The following EXT1 variants were observed in gnomAD, a reference collection of about 807,000 sequenced individuals.
EXT1 encodes exostosin glycosyltransferase 1.
In EXT1, 20 loss-of-function variants were observed where a neutral mutation model predicts 82.5. That is an observed-to-expected ratio of 0.24 (90% CI 0.17 to 0.35). The LOEUF (loss-of-function observed/expected upper bound fraction) is 0.35. EXT1 is among the 10% of genes least tolerant of loss of function. The probability of loss-of-function intolerance (pLI) is 1.00; values close to 1 mark genes in which losing one functional copy is unlikely to be tolerated. For synonymous variants in EXT1, 348 were observed against 350.8 expected (o/e 0.99, Z 0.09); for missense variants, 757 against 936.5 (o/e 0.81, Z 2.50).
intron 3 of EXT1, among the ~76,000 whole-genome samples, chr8:117,831,274 A>G (rs542967119): frequency 3.3e-5 from 5 of 152,204 alleles, no homozygotes; most frequent in African/African-American, 1.2e-4. Flanking sequence ...TTTACTTATA[A>G]AGTGGGGATA....
chr8:118,049,340 AC>A (rs899678168), intron 1 of EXT1, among the ~76,000 whole-genome samples: 2 of 152,216 alleles, frequency 1.3e-5, no homozygotes, highest in African/African-American at 4.8e-5. Context: ...CCTAAATGTA[AC>A]CTATAAGTGG....
chr8:118,081,068 G>GT (rs1488524613), intron 1 of EXT1, among the ~76,000 whole-genome samples: 5 of 152,096 alleles, frequency 3.3e-5, no homozygotes, highest in African/African-American at 1.2e-4. Context: ...TTTTCATTCA[G>GT]TATCTCATTT....
intron 1 of EXT1, among the ~76,000 whole-genome samples, chr8:117,877,026 T>C (rs532967925): frequency 1.3e-5 from 2 of 152,260 alleles, no homozygotes; most frequent in African/African-American, 4.8e-5. Context: ...TGGATGTGCC[T>C]CAAAGCTAAC....
intron 1 of EXT1, among the ~76,000 whole-genome samples, chr8:117,857,752 T>C (rs1158657787): frequency 3.3e-5 from 5 of 152,210 alleles, no homozygotes; most frequent in Non-Finnish European, 5.9e-5. Context: ...ATTTTAAAAA[T>C]ACATTTTATA....
At chr8:117,863,048 G>A (rs1311965823) in intron 1 of EXT1, among the ~76,000 whole-genome samples, 1 of 152,194 alleles carries the variant, frequency 6.6e-6, no homozygotes, top group Non-Finnish European at 1.5e-5. Context: ...TAACAGGGCA[G>A]TGGGCGTTGT....
At chr8:118,035,503 A>G (rs1816402936) in intron 1 of EXT1, among the ~76,000 whole-genome samples, 1 of 152,198 alleles carries the variant, frequency 6.6e-6, no homozygotes, top group Non-Finnish European at 1.5e-5. Flanking sequence ...TAATTAAAGG[A>G]ATAAATAGAA....
At chr8:118,097,873 T>C (rs1253475489) in intron 1 of EXT1, among the ~76,000 whole-genome samples, 1 of 152,166 alleles carries the variant, frequency 6.6e-6, no homozygotes, top group East Asian at 1.9e-4. Flanking sequence ...AAACCACAGC[T>C]GGGTGTTAAA....
chr8:117,979,550 TAG>T, intron 1 of EXT1, among the ~76,000 whole-genome samples: 1 of 150,686 alleles, frequency 6.6e-6, no homozygotes, highest in South Asian at 2.1e-4. Flanking sequence ...AAAAAAAATC[TAG>T]ACAGTGGAGC....
In EXT1 at chr8:118,094,932, C is replaced by A. The variant is rs184737992; in HGVS notation, c.962+15153G>T. ...ACTTCCACAATCTTATTGCTCTTCT[C>A]TCCAGACAAAACTGTCTGATATCAA... On this transcript the variant is annotated intron_variant, in intron 1 of 10. Transcript: ENST00000378204. 4.6e-5 allele frequency among the ~76,000 whole-genome samples: 7 copies of A among 152,350 alleles called. 1 individual carries two copies. The highest frequency in any genetic ancestry group is 1.7e-4 in the African/African-American group (7 of 41,582).
In EXT1 at chr8:117,812,931, T is replaced by G; in HGVS notation, c.1663A>C (p.Asn555His). Residue 555 changes from asparagine (N) to histidine (H), a missense_variant, in exon 8 of 11, where the codon AAC (asparagine) becomes CAC (histidine). Physicochemically the swap from Asn to His is moderately conservative, Grantham distance 68. Transcript: ENST00000378204. ...VMSSRFLPYD[N>H]IITDAVLSLD... is the part of the protein sequence containing the mutation. ...CTGAGCACGGCGTCTGTGATGATGT[T>G]GTCGTAGGGCAGAAAACGGCTGCTC... 1.9e-6 allele frequency: 3 copies of G among 1,613,952 alleles called. No homozygotes were observed. Among genetic ancestry groups the G allele is most frequent in the Non-Finnish European group, 2.5e-6 (3 of 1,179,954 alleles).
intron 1 of EXT1, among the ~76,000 whole-genome samples, chr8:118,097,797 T>C (rs1586272415): frequency 6.6e-6 from 1 of 152,146 alleles, no homozygotes; most frequent in South Asian, 2.1e-4. Flanking sequence ...AAAACCAACA[T>C]GAATCCTCCC....
intron 1 of EXT1, among the ~76,000 whole-genome samples, chr8:118,006,630 A>T (rs982151372): frequency 1.3e-5 from 2 of 152,244 alleles, no homozygotes; most frequent in Non-Finnish European, 2.9e-5. Context: ...GTTTCACATT[A>T]TCCTAACCCA....
intron 1 of EXT1, among the ~76,000 whole-genome samples, chr8:118,048,686 A>G (rs1314692134): frequency 6.6e-6 from 1 of 152,210 alleles, no homozygotes; most frequent in East Asian, 1.9e-4. Flanking sequence ...GTATATGTGT[A>G]AAAAACTGAA....
chr8:117,953,864 C>G (rs1292696593), intron 1 of EXT1, among the ~76,000 whole-genome samples: 2 of 152,030 alleles, frequency 1.3e-5, no homozygotes, highest in East Asian at 3.9e-4. Context: ...GAGCCAAGAT[C>G]GCACCACTGC....
intron 1 of EXT1, among the ~76,000 whole-genome samples, chr8:118,049,720 G>A (rs1023913054): frequency 6.6e-6 from 1 of 152,176 alleles, no homozygotes; most frequent in African/African-American, 2.4e-5. Flanking sequence ...TCATCTTCAC[G>A]CAGGGAAGCT....
At chr8:118,081,979 C>T (rs146294398) in intron 1 of EXT1, among the ~76,000 whole-genome samples, 27 of 152,160 alleles carry the variant, frequency 1.8e-4, no homozygotes, top group African/African-American at 6.0e-4. Flanking sequence ...CATTTAACTG[C>T]TGGGGGAAAC....
At position 117,882,155 on chromosome 8, in the gene EXT1, C is replaced by T. The variant is rs369827102; in HGVS notation, c.963-44954G>A. ...GGAGTGCAGTGGCATGATCTCAGCT[C>T]ACTGCAGCTCCGCTTCCTGGGTTCA... On this transcript the variant is annotated intron_variant, in intron 1 of 10. Transcript: ENST00000378204. Among the ~76,000 whole-genome samples, 8 of 152,278 alleles carry T rather than the reference C, an allele frequency of 5.3e-5. No homozygotes were observed. The East Asian group carries it at 9.7e-4, about 18-fold the overall frequency.
chr8:117,929,594 T>A (rs1409731954), intron 1 of EXT1, among the ~76,000 whole-genome samples: 1 of 152,182 alleles, frequency 6.6e-6, no homozygotes, highest in Non-Finnish European at 1.5e-5. Context: ...GCTCAATAGA[T>A]TTTTCTAGTA....
At chr8:117,980,706 T>TG (rs1815177227) in intron 1 of EXT1, among the ~76,000 whole-genome samples, 1 of 42,226 alleles carries the variant, frequency 2.4e-5, no homozygotes, top group Non-Finnish European at 4.7e-5. Flanking sequence ...TGGTTTTTTT[T>TG]TTTTTTTTTT....
Sources: gnomAD v4.1 joint callset for allele counts (sites outside exome capture counted in the v4.1 genomes callset) on GRCh38, gnomAD v4.1.1 for gene constraint, MANE v1.5 for transcripts, NCBI Gene and HGNC (gene_info 2026-07-23, HGNC 2026-07-21) for gene names.